Variants in ODAD4 observed in about 807,000 individuals in gnomAD.
ODAD4 encodes the protein outer dynein arm-docking complex subunit 4.
A neutral mutation model predicts 51.8 loss-of-function variants in ODAD4; 49 were observed. That is an observed-to-expected ratio of 0.95 (90% CI 0.75 to 1.20). The LOEUF (loss-of-function observed/expected upper bound fraction) is 1.20. ODAD4 is among the 50% of genes most tolerant of loss of function. The probability of loss-of-function intolerance (pLI) is 0.00; values close to 1 mark genes in which losing one functional copy is unlikely to be tolerated. For missense variants in ODAD4, 590 were observed against 586.5 expected, an observed-to-expected ratio of 1.01 and a Z score of -0.06; for synonymous variants, 235 against 221.3, an observed-to-expected ratio of 1.06 and a Z score of -0.55.
chr17:41,952,859 C>T (rs757225243), intron 9 of ODAD4, among the ~76,000 whole-genome samples: 49 of 152,042 alleles, frequency 3.2e-4, no homozygotes, highest in Non-Finnish European at 6.3e-4. Context: ...CCTCCTCAGC[C>T]TCCCCAGTTG....
chr17:41,939,251 T>C, intron 7 of ODAD4, 79 bp downstream of exon 7: 2 of 1,383,620 alleles, frequency 1.4e-6, no homozygotes, highest in Non-Finnish European at 1.9e-6. Flanking sequence ...TTGCCAGGGC[T>C]GCTGGTGGCT....
chr17:41,960,001 G>A (rs1453551928), intron 10 of ODAD4, among the ~76,000 whole-genome samples: 1 of 152,222 alleles, frequency 6.6e-6, no homozygotes, highest in Non-Finnish European at 1.5e-5. Context: ...CAGGCGAAGA[G>A]CACCCACCTC....
intron 4 of ODAD4, 34 bp downstream of exon 4, chr17:41,936,568 A>G (rs782671430): frequency 6.3e-7 from 1 of 1,590,940 alleles, no homozygotes; most frequent in South Asian, 1.1e-5. Context: ...GTATCCCTCC[A>G]AGGGAAGAGG....
chr17:41,942,178 C>T (rs886419716), intron 7 of ODAD4, among the ~76,000 whole-genome samples: 7 of 152,168 alleles, frequency 4.6e-5, no homozygotes, highest in East Asian at 1.9e-4. Flanking sequence ...TCAGGTGATC[C>T]GCCCACCTCA....
At chr17:41,962,600 A>G (rs2050820740) in intron 11 of ODAD4, among the ~76,000 whole-genome samples, 2 of 152,232 alleles carry the variant, frequency 1.3e-5, no homozygotes, top group Non-Finnish European at 2.9e-5. Flanking sequence ...GTTCAGGAAC[A>G]CTATGAAGGA....
In ODAD4 at chr17:41,939,019, A is replaced by T; in HGVS notation, c.905A>T (p.Lys302Met). 1 of 1,613,374 alleles carries T rather than the reference A, an allele frequency of 6.2e-7. No individual in the cohort carries two copies. Residue 302 changes from lysine (K) to methionine (M), a missense_variant, in exon 7 of 12, where the codon AAG (lysine) becomes ATG (methionine). Physicochemically the swap from Lys to Met is moderately conservative, Grantham distance 95 (BLOSUM62 -1). This residue lies in a region of ODAD4 where 360 missense variants were observed against 407.5 expected (regional missense o/e 0.88). Transcript: ENST00000377540. ...CTTCAGAAAGCTGAGAAAGTGCTGA[A>T]GAAGGTACTGGAATGGAACAAGGAA... ...GSLQKAEKVL[K>M]KVLEWNKEEV... is the part of the protein sequence containing the mutation.
Position 41,933,557 on chromosome 17 carries a change from C to T in ODAD4, c.115-1660C>T, listed in dbSNP as rs548358115. Among the ~76,000 whole-genome samples, 21 of 151,954 alleles carry T rather than the reference C, an allele frequency of 1.4e-4. No homozygotes were observed. In the East Asian group the frequency reaches 3.9e-3, roughly 28 times the overall value. ...ATCCCAGCTACTCCGGAGGCTGAGG[C>T]AGGAGAATTGCTTGAACCCGGGAGG... is the stretch of plus-strand genomic sequence containing the variant. On this transcript the variant is annotated intron_variant, in intron 1 of 11. Coordinates refer to ENST00000377540, the MANE Select transcript of ODAD4 (RefSeq NM_031421.5).
intron 10 of ODAD4, 82 bp downstream of exon 10, chr17:41,955,399 G>A: frequency 1.5e-6 from 1 of 682,330 alleles, no homozygotes; most frequent in Non-Finnish European, 2.7e-6. Context: ...CAGCCTGCTT[G>A]GGCGCCATTC....
chr17:41,940,119 C>T (rs2050485897), intron 7 of ODAD4, among the ~76,000 whole-genome samples: 1 of 152,170 alleles, frequency 6.6e-6, no homozygotes, highest in Non-Finnish European at 1.5e-5. Context: ...TCTTGACTTC[C>T]TCCTGCCTGG....
chr17:41,941,730 G>A (rs1335678419), intron 7 of ODAD4, among the ~76,000 whole-genome samples: 5 of 147,682 alleles, frequency 3.4e-5, no homozygotes, highest in East Asian at 4.0e-4. Flanking sequence ...GCAGTGAGCC[G>A]AGATAGTGAC....
At chr17:41,937,043 A>G in intron 5 of ODAD4, 116 bp downstream of exon 5, 1 of 1,281,578 alleles carries the variant, frequency 7.8e-7, no homozygotes, top group Non-Finnish European at 1.1e-6. Flanking sequence ...GTACCTGTGG[A>G]CAGGTTTTAT....
At chr17:41,931,787 C>T (rs535884979) in intron 1 of ODAD4, among the ~76,000 whole-genome samples, 10 of 152,290 alleles carry the variant, frequency 6.6e-5, no homozygotes, top group African/African-American at 2.2e-4. Flanking sequence ...AGTGATACAC[C>T]TGCCTCGGCC....
chr17:41,940,870 G>A (rs1249614009), intron 7 of ODAD4, among the ~76,000 whole-genome samples: 1 of 152,204 alleles, frequency 6.6e-6, no homozygotes, highest in Non-Finnish European at 1.5e-5. Flanking sequence ...ATGTCCCACA[G>A]GAATCCTAAA....
In ODAD4 at chr17:41,965,433, A is replaced by G. The variant is rs377453536; in HGVS notation, c.1969A>G (p.Ile657Val). The stretch of plus-strand genomic sequence containing the variant: ...ACTGGGAAAAACACAATTTGGAGAA[A>G]TAGGAGAAACGAAAAAAACAGGAAA... ...EELGKTQFGE[I>V]GETKKTGNEM... Residue 657 changes from isoleucine (I) to valine (V), a missense_variant, in exon 12 of 12, where the codon ATA becomes GTA. By Grantham distance (29) the Ile-to-Val change is conservative. Coordinates refer to ENST00000377540, the MANE Select transcript of ODAD4 (RefSeq NM_031421.5). 8 of 775,458 alleles carry G rather than the reference A, an allele frequency of 1.0e-5. No individual in the cohort carries two copies. The highest frequency in any genetic ancestry group is 1.9e-5 in the Non-Finnish European group (8 of 416,844). 48.0% of individuals were successfully genotyped at this position (775,458 alleles called of 1,614,324 possible). A position where few individuals can be genotyped will look rare whatever the true frequency, so the allele number is the denominator to read the frequency against.
chr17:41,966,189 G>A lies in ODAD4; in HGVS notation c.*706G>A, dbSNP rs1255831850. The stretch of plus-strand genomic sequence containing the variant: ...CTCTCAGTGGTTTCACAGAGGAGGT[G>A]GCAGCTGAGGATCTGGCCTCAGAGG... On this transcript the variant is annotated 3_prime_UTR_variant, in exon 12 of 12. Transcript: ENST00000377540. Among the ~76,000 whole-genome samples, 1 of 152,210 alleles carries A rather than the reference G, an allele frequency of 6.6e-6. No homozygotes were observed. The highest frequency in any genetic ancestry group is 2.4e-5 in the African/African-American group (1 of 41,450).
chr17:41,957,889 A>C (rs1000039535), intron 10 of ODAD4, among the ~76,000 whole-genome samples: 1 of 152,112 alleles, frequency 6.6e-6, no homozygotes, highest in African/African-American at 2.4e-5. Context: ...GGCTCAAGAG[A>C]TAAGTATCTG....
At position 41,935,297 on chromosome 17, in the gene ODAD4, A is replaced by G; in HGVS notation, c.195A>G (p.Arg65=). The change falls in exon 2 of 12, where the codon AGA becomes AGG. Residue 65 remains arginine (R), a synonymous_variant. Transcript: ENST00000377540. ...KCFLKMGDLE[R]SLKDAEASLQ... is the part of the protein sequence containing the mutation. ...TCCTGAAGATGGGAGACTTGGAGAGATCCCTGAAGGATGCTGAGGCTTCGC... is the reference window on the plus strand; with the variant it reads ...TCCTGAAGATGGGAGACTTGGAGAGGTCCCTGAAGGATGCTGAGGCTTCGC... 1 of 1,613,946 alleles carries G rather than the reference A, an allele frequency of 6.2e-7. No individual in the cohort carries two copies. The highest frequency in any genetic ancestry group is 8.5e-7 in the Non-Finnish European group (1 of 1,179,890).
intron 1 of ODAD4, among the ~76,000 whole-genome samples, chr17:41,931,468 G>C (rs1555636831): frequency 6.6e-6 from 1 of 152,158 alleles, no homozygotes; most frequent in African/African-American, 2.4e-5. Flanking sequence ...GATTGGATGG[G>C]AGGTTGCATG....
At chr17:41,948,420 G>A (rs977968853) in intron 8 of ODAD4, among the ~76,000 whole-genome samples, 17 of 150,828 alleles carry the variant, frequency 1.1e-4, no homozygotes, top group African/African-American at 2.9e-4. Context: ...AGGCTTAAGC[G>A]ATCCCCCTAC....
Sources: gnomAD v4.1 joint callset for allele counts (sites outside exome capture counted in the v4.1 genomes callset) on GRCh38, gnomAD v4.1.1 for gene constraint, gnomAD v4.1.1 regional missense constraint, MANE v1.5 for transcripts, NCBI Gene and HGNC (gene_info 2026-07-23, HGNC 2026-07-21) for gene names.